Variants in ABCA13 observed in about 807,000 individuals in gnomAD.
ABCA13 encodes the protein ATP binding cassette subfamily A member 13.
Under a neutral mutation model 478.7 loss-of-function variants are expected in ABCA13, and 476 were observed. The ratio of observed to expected loss-of-function variants is 0.99; its 90% confidence interval spans 0.92 to 1.07. ABCA13 has a LOEUF of 1.07. Ranked by LOEUF, ABCA13 falls within the 50% of genes least tolerant of loss-of-function variation. The pLI is 0.00. For synonymous variants in ABCA13, 2,252 were observed against 2,158.9 expected (o/e 1.04, Z -1.20); for missense variants, 6,060 against 5,910.6 (o/e 1.03, Z -0.83).
intron 5 of ABCA13, among the ~76,000 whole-genome samples, chr7:48,223,908 G>A (rs1441401831): frequency 6.7e-6 from 1 of 148,716 alleles, no homozygotes. Context: ...GCAGTGACCT[G>A]AGATTGTGCC....
At chr7:48,313,483 A>G (rs1192867838) in intron 25 of ABCA13, among the ~76,000 whole-genome samples, 2 of 152,244 alleles carry the variant, frequency 1.3e-5, no homozygotes, top group Admixed American at 1.3e-4. Flanking sequence ...TAGTACATGC[A>G]TTATCTATAA....
intron 32 of ABCA13, among the ~76,000 whole-genome samples, chr7:48,368,524 C>A (rs1212593297): frequency 6.6e-6 from 1 of 151,816 alleles, no homozygotes. Context: ...TGTCTCATAG[C>A]TTAGCTCCCA....
At position 48,243,970 on chromosome 7, in the gene ABCA13, G is replaced by A. The variant is rs139753813; in HGVS notation, c.1263-606G>A. On this transcript the variant is annotated intron_variant, in intron 10 of 61. Coordinates refer to ENST00000435803, the MANE Select transcript of ABCA13 (RefSeq NM_152701.5). ...GCTATGCCTTGCTTCTCCCTCTCCC[G>A]TATTTATTCCCAATTTCAGGTTCTT... 2.8e-4 allele frequency among the ~76,000 whole-genome samples: 42 copies of A among 152,246 alleles called. No individual in the cohort carries two copies. In the East Asian group the frequency reaches 7.3e-3, roughly 27 times the overall value.
intron 4 of ABCA13, 118 bp downstream of exon 4, chr7:48,219,623 A>G: frequency 7.6e-7 from 1 of 1,318,040 alleles, no homozygotes; most frequent in Non-Finnish European, 1.0e-6. Flanking sequence ...CTAAACTTTC[A>G]TAGTGAGTCT....
chr7:48,345,763 A>C (rs1807978072), intron 29 of ABCA13, among the ~76,000 whole-genome samples: 1 of 152,224 alleles, frequency 6.6e-6, no homozygotes, highest in Non-Finnish European at 1.5e-5. Context: ...TTAAGTATAC[A>C]GTGTTTATAA....
At chr7:48,255,841 G>C (rs1793306812) in intron 15 of ABCA13, among the ~76,000 whole-genome samples, 1 of 152,060 alleles carries the variant, frequency 6.6e-6, no homozygotes, top group Admixed American at 6.6e-5. Flanking sequence ...TGGGACTGCT[G>C]GGTCAAATGG....
At chr7:48,281,594 G>A (rs559001043) in intron 19 of ABCA13, 142 bp downstream of exon 19, 1 of 729,146 alleles carries the variant, frequency 1.4e-6, no homozygotes, top group South Asian at 2.0e-5. Flanking sequence ...AGGCCTTGAG[G>A]GATCTGCCCC....
intron 58 of ABCA13, among the ~76,000 whole-genome samples, chr7:48,602,742 T>C (rs1438972051): frequency 2.0e-5 from 3 of 151,486 alleles, no homozygotes; most frequent in African/African-American, 7.3e-5. Context: ...TTAAAGTGGT[T>C]TTTTTTTTCC....
chr7:48,367,811 G>A lies in ABCA13; in HGVS notation c.10706G>A (p.Gly3569Asp), dbSNP rs959726773. The change falls in exon 32 of 62, where the codon GGT becomes GAT. Residue 3569 changes from glycine (G) to aspartate (D), a missense_variant. Physicochemically the swap from Gly to Asp is moderately conservative, Grantham distance 94. Coordinates refer to ENST00000435803, the MANE Select transcript of ABCA13 (RefSeq NM_152701.5). The stretch of plus-strand genomic sequence containing the variant: ...CCTTACAGATTCCTGAACAACGTTG[G>A]TTTCTTTTTTCCACTGATAATGATG... ...HTSDLFLNNV[G>D]FFFPLIMMLT... The A allele has an allele frequency of 1.3e-6, 2 of 1,568,068 alleles. No homozygotes were observed. The highest frequency in any genetic ancestry group is 1.7e-6 in the Non-Finnish European group (2 of 1,155,020).
intron 59 of ABCA13, among the ~76,000 whole-genome samples, chr7:48,642,535 G>A (rs1239721138): frequency 2.0e-5 from 3 of 152,138 alleles, no homozygotes; most frequent in Non-Finnish European, 4.4e-5. Context: ...AGTCATCAGA[G>A]TATATTCATG....
intron 52 of ABCA13, among the ~76,000 whole-genome samples, chr7:48,519,197 C>A (rs1332109363): frequency 6.6e-6 from 1 of 152,192 alleles, no homozygotes; most frequent in African/African-American, 2.4e-5. Context: ...TCTATCCAGT[C>A]TATCATTGAT....
chr7:48,644,501 A>T, intron 60 of ABCA13, 116 bp from the exon 61 acceptor site: 1 of 1,109,616 alleles, frequency 9.0e-7, no homozygotes, highest in South Asian at 1.7e-5. Context: ...TCACAAAATT[A>T]AGTGTAGGTT....
intron 59 of ABCA13, among the ~76,000 whole-genome samples, chr7:48,639,410 G>T (rs1284886363): frequency 2.0e-5 from 3 of 152,192 alleles, no homozygotes; most frequent in Non-Finnish European, 2.9e-5. Flanking sequence ...GTGTGGTAAG[G>T]CAGGAAGATG....
At chr7:48,378,096 T>A (rs904987904) in intron 35 of ABCA13, among the ~76,000 whole-genome samples, 1 of 152,190 alleles carries the variant, frequency 6.6e-6, no homozygotes, top group Non-Finnish European at 1.5e-5. Context: ...TGTGGAATTC[T>A]AAATTGAAAA....
chr7:48,317,136 TTTTC>T lies in ABCA13; in HGVS notation c.9860-15_9860-12del. 2 of 1,597,676 alleles carry T rather than the reference TTTTC, an allele frequency of 1.3e-6. No homozygotes were observed. The highest frequency in any genetic ancestry group is 1.7e-6 in the Non-Finnish European group (2 of 1,175,290). Reference sequence around the variant, plus strand: ...CATCGTGTATCATTAGCAACTTTTTTTTTCTTTCTAATTGCAACAGCACCGTTTT... The same window carrying T: ...CATCGTGTATCATTAGCAACTTTTTTTTTCTAATTGCAACAGCACCGTTTT... On this transcript the variant is annotated splice_polypyrimidine_tract_variant and intron_variant, in intron 26 of 61. Transcript: ENST00000435803.
chr7:48,490,870 T>G (rs1467652291), intron 48 of ABCA13, among the ~76,000 whole-genome samples: 3 of 152,158 alleles, frequency 2.0e-5, no homozygotes, highest in Non-Finnish European at 4.4e-5. Flanking sequence ...AAGAATGATC[T>G]GGAAGCCACT....
chr7:48,587,443 A>G (rs1026403138), intron 57 of ABCA13, among the ~76,000 whole-genome samples, 155 bp downstream of exon 57: 1 of 152,210 alleles, frequency 6.6e-6, no homozygotes, highest in African/African-American at 2.4e-5. Flanking sequence ...GCATTTCCCA[A>G]ATGTCATTTG....
intron 27 of ABCA13, among the ~76,000 whole-genome samples, chr7:48,320,495 T>C (rs1803286899): frequency 6.6e-6 from 1 of 152,128 alleles, no homozygotes. Context: ...TGCAAAGAAA[T>C]TGATGCTATT....
Position 48,245,544 on chromosome 7 carries a change from G to A in ABCA13, c.1423G>A (p.Asp475Asn), listed in dbSNP as rs765358163. 9 of 1,612,882 alleles carry A rather than the reference G, an allele frequency of 5.6e-6. No individual in the cohort carries two copies. Among genetic ancestry groups the A allele is most frequent in the South Asian group, 1.1e-5 (1 of 90,604 alleles). Residue 475 changes from aspartate to asparagine, a missense_variant, in exon 12 of 62, where the codon GAT (aspartate) becomes AAT (asparagine). By Grantham distance (23) the Asp-to-Asn change is conservative (BLOSUM62 1). Around this residue, in one of 3 missense-constraint regions of ABCA13, gnomAD observed 4,423 missense variants for 4,309.1 expected, o/e 1.03. Coordinates refer to ENST00000435803, the MANE Select transcript of ABCA13 (RefSeq NM_152701.5). ...VLICLETSAN[D>N]FKWFELNQLK... ...CATTTGCCTGGAGACATCAGCTAAT[G>A]ATTTTAAATGGTTTGAACTTAACCA...
Sources: gnomAD v4.1 joint callset for allele counts (sites outside exome capture counted in the v4.1 genomes callset) on GRCh38, gnomAD v4.1.1 for gene constraint, gnomAD v4.1.1 regional missense constraint, MANE v1.5 for transcripts, NCBI Gene and HGNC (gene_info 2026-07-23, HGNC 2026-07-21) for gene names.